Variants in PPARGC1A observed in about 807,000 individuals in gnomAD.
PPARGC1A encodes peroxisome proliferator-activated receptor gamma coactivator 1-alpha.
A neutral mutation model predicts 88.7 loss-of-function variants in PPARGC1A; 25 were observed. That is an observed-to-expected ratio of 0.28 (90% CI 0.21 to 0.39). The LOEUF (loss-of-function observed/expected upper bound fraction) is 0.39, where lower values mean the gene tolerates loss of function less well. Ranked by LOEUF, PPARGC1A falls within the 10% of genes least tolerant of loss-of-function variation. PPARGC1A has a pLI of 1.00. For missense variants in PPARGC1A, 880 were observed against 968.7 expected (o/e 0.91, Z 1.22); for synonymous variants, 363 against 355.6 (o/e 1.02, Z -0.24).
the PPARGC1A span, among the ~76,000 whole-genome samples, chr4:24,145,451 C>T: frequency 6.6e-6 from 1 of 152,194 alleles, no homozygotes; most frequent in East Asian, 1.9e-4. Context: ...GTCTTGCCAA[C>T]GTCACCTCAT....
At chr4:23,933,961 T>G in the PPARGC1A span, among the ~76,000 whole-genome samples, 1 of 152,156 alleles carries the variant, frequency 6.6e-6, no homozygotes, top group African/African-American at 2.4e-5. Flanking sequence ...AACTGTCCAC[T>G]GGGGAAAGGT....
At chr4:23,870,910 G>T (rs1713179705) in intron 2 of PPARGC1A, among the ~76,000 whole-genome samples, 1 of 148,660 alleles carries the variant, frequency 6.7e-6, no homozygotes, top group Non-Finnish European at 1.5e-5. Context: ...AAATAAACCA[G>T]CAACTAAAGG....
At chr4:24,284,181 T>A in the PPARGC1A span, among the ~76,000 whole-genome samples, 1 of 149,818 alleles carries the variant, frequency 6.7e-6, no homozygotes, top group Non-Finnish European at 1.5e-5. Flanking sequence ...GGGGGGCACC[T>A]GTAATCCCAG....
chr4:23,858,621 C>T (rs1577539386), intron 2 of PPARGC1A, among the ~76,000 whole-genome samples: 1 of 152,148 alleles, frequency 6.6e-6, no homozygotes, highest in Non-Finnish European at 1.5e-5. Flanking sequence ...AGATATGTCC[C>T]TCATTTGGTT....
chr4:23,800,846 G>A (rs1718539899), intron 12 of PPARGC1A, among the ~76,000 whole-genome samples: 2 of 151,694 alleles, frequency 1.3e-5, no homozygotes, highest in South Asian at 4.2e-4. Context: ...GTAAAATGGG[G>A]ATGATAGTAA....
intron 2 of PPARGC1A, among the ~76,000 whole-genome samples, chr4:23,853,913 AG>A (rs1460052778): frequency 1.3e-5 from 2 of 152,168 alleles, no homozygotes; most frequent in African/African-American, 4.8e-5. Context: ...TTGGGGACCT[AG>A]GGCAAGCTAC....
At chr4:24,466,964 GAA>G in the PPARGC1A span, among the ~76,000 whole-genome samples, 296 of 98,730 alleles carry the variant, frequency 3.0e-3, 6 homozygotes, top group Middle Eastern at 0.014. Context: ...AAGAAAGAAA[GAA>G]AGAAAGAGAA....
the PPARGC1A span, among the ~76,000 whole-genome samples, chr4:23,923,172 T>TA: frequency 1.3e-5 from 2 of 151,330 alleles, no homozygotes; most frequent in Non-Finnish European, 2.9e-5. Context: ...TCCTTACCTC[T>TA]AACAACTGAG....
At chr4:24,148,075 C>T in the PPARGC1A span, among the ~76,000 whole-genome samples, 1 of 152,154 alleles carries the variant, frequency 6.6e-6, no homozygotes, top group South Asian at 2.1e-4. Context: ...GAGATGCTTT[C>T]CACTGCAATA....
chr4:24,103,793 C>A, the PPARGC1A span, among the ~76,000 whole-genome samples: 89 of 152,284 alleles, frequency 5.8e-4, no homozygotes, highest in East Asian at 0.016. Flanking sequence ...ATCTCGCAGT[C>A]TTCAGCAGAC....
the PPARGC1A span, among the ~76,000 whole-genome samples, chr4:24,414,364 C>T: frequency 6.6e-6 from 1 of 152,048 alleles, no homozygotes; most frequent in Non-Finnish European, 1.5e-5. Context: ...TTCTTTTTCT[C>T]CTTCCAGAGC....
chr4:23,850,007 A>C (rs1729002142), intron 2 of PPARGC1A, among the ~76,000 whole-genome samples: 1 of 152,196 alleles, frequency 6.6e-6, no homozygotes, highest in Non-Finnish European at 1.5e-5. Flanking sequence ...AGAGAAAGAA[A>C]AGAAAAAATC....
chr4:24,067,843 TA>T, the PPARGC1A span, among the ~76,000 whole-genome samples: 10 of 152,082 alleles, frequency 6.6e-5, no homozygotes, highest in Non-Finnish European at 1.5e-4. Context: ...ACTGCCAAAG[TA>T]ACTGTGGAGG....
At chr4:24,199,127 C>T in the PPARGC1A span, among the ~76,000 whole-genome samples, 2 of 152,122 alleles carry the variant, frequency 1.3e-5, no homozygotes, top group Non-Finnish European at 2.9e-5. Context: ...CTCCCCATTC[C>T]CACCCCATAC....
chr4:24,382,924 C>G, the PPARGC1A span, among the ~76,000 whole-genome samples: 1 of 152,164 alleles, frequency 6.6e-6, no homozygotes, highest in Non-Finnish European at 1.5e-5. Context: ...GTCCCTGACC[C>G]CCATGCCTCC....
At chr4:23,827,917 A>C (rs1724282098) in intron 5 of PPARGC1A, among the ~76,000 whole-genome samples, 1 of 152,108 alleles carries the variant, frequency 6.6e-6, no homozygotes, top group Non-Finnish European at 1.5e-5. Flanking sequence ...AGAAGAAGAA[A>C]GAACAAGAAG....
the PPARGC1A span, among the ~76,000 whole-genome samples, chr4:24,261,984 G>A: frequency 3.9e-5 from 6 of 152,182 alleles, no homozygotes; most frequent in Non-Finnish European, 8.8e-5. Context: ...TGAAAGGTAA[G>A]TTATCAACAG....
the PPARGC1A span, among the ~76,000 whole-genome samples, chr4:24,373,673 C>G: frequency 6.6e-6 from 1 of 152,072 alleles, no homozygotes; most frequent in Non-Finnish European, 1.5e-5. Flanking sequence ...AAGGAGAGCA[C>G]AGGATTAAGA....
chr4:23,921,905 G>C, the PPARGC1A span, among the ~76,000 whole-genome samples: 1 of 152,206 alleles, frequency 6.6e-6, no homozygotes, highest in Non-Finnish European at 1.5e-5. Flanking sequence ...GTGTCGGAGA[G>C]CACGTTCTAC....
Sources: allele counts gnomAD v4.1 joint callset (sites outside exome capture counted in the v4.1 genomes callset), GRCh38; gene constraint gnomAD v4.1.1; transcripts MANE v1.5; gene names NCBI Gene and HGNC (gene_info 2026-07-23, HGNC 2026-07-21).